The following FILIP1 variants were observed in gnomAD, a reference collection of about 807,000 sequenced individuals.
FILIP1 encodes filamin A interacting protein 1.
A neutral mutation model predicts 102.1 loss-of-function variants in FILIP1; 61 were observed. That is an observed-to-expected ratio of 0.60 (90% CI 0.49 to 0.74). FILIP1 has a LOEUF of 0.74. Ranked by LOEUF, FILIP1 falls within the 30% of genes least tolerant of loss-of-function variation. The probability of loss-of-function intolerance (pLI) is 0.00; values close to 1 mark genes in which losing one functional copy is unlikely to be tolerated. For synonymous variants in FILIP1, 491 were observed against 526.9 expected (o/e 0.93, Z 0.93); for missense variants, 1,314 against 1,441.2 (o/e 0.91, Z 1.43).
At chr6:75,326,625 C>T (rs910822053) in intron 4 of FILIP1, among the ~76,000 whole-genome samples, 1 of 152,134 alleles carries the variant, frequency 6.6e-6, no homozygotes, top group Non-Finnish European at 1.5e-5. Flanking sequence ...TTTATTATTT[C>T]ATTTAATTTT....
chr6:75,462,723 G>T (rs1779060793), intron 1 of FILIP1, among the ~76,000 whole-genome samples: 1 of 152,006 alleles, frequency 6.6e-6, no homozygotes. Context: ...CTCAAGCCAA[G>T]CCCACTGCCC....
rs189054219 is a variant in FILIP1 at position 75,329,157 on chromosome 6, T to C, written c.630-13955A>G. ...GAATTTTTTTAAAGCTTATCCTAAT[T>C]ATCCATTCTTGTGATAACCACCATC... On this transcript the variant is annotated intron_variant, in intron 4 of 5. Coordinates refer to ENST00000237172, the MANE Select transcript of FILIP1 (RefSeq NM_015687.5). 1.8e-3 allele frequency among the ~76,000 whole-genome samples: 276 copies of C among 152,312 alleles called. 2 individuals carry two copies. Among genetic ancestry groups the C allele is most frequent in the African/African-American group, 5.9e-3 (247 of 41,568 alleles).
chr6:75,388,254 A>C (rs908745708), intron 2 of FILIP1, among the ~76,000 whole-genome samples: 1 of 152,176 alleles, frequency 6.6e-6, no homozygotes, highest in African/African-American at 2.4e-5. Context: ...CTTTTTTGGT[A>C]CCAGTACCAT....
At chr6:75,396,509 G>A (rs532152391) in intron 2 of FILIP1, among the ~76,000 whole-genome samples, 6 of 152,170 alleles carry the variant, frequency 3.9e-5, no homozygotes, top group South Asian at 2.1e-4. Flanking sequence ...CTGGCATTCC[G>A]TAATTGCCTG....
chr6:75,465,311 T>C (rs781402107), intron 1 of FILIP1: 5 of 354,824 alleles, frequency 1.4e-5, no homozygotes, highest in Non-Finnish European at 2.6e-5. Context: ...TTATGAAAAC[T>C]GAATATACAG....
At chr6:75,399,598 C>A (rs1776586780) in intron 2 of FILIP1, among the ~76,000 whole-genome samples, 1 of 152,106 alleles carries the variant, frequency 6.6e-6, no homozygotes, top group South Asian at 2.1e-4. Flanking sequence ...CATGCTGAAA[C>A]AAAAGGTCAC....
At chr6:75,442,646 C>G (rs922846821) in intron 1 of FILIP1, among the ~76,000 whole-genome samples, 47 of 148,062 alleles carry the variant, frequency 3.2e-4, no homozygotes, top group South Asian at 6.4e-4. Context: ...CGCAGGCACT[C>G]GGCAGGCTGA....
chr6:75,333,563 T>A (rs1774146885), intron 4 of FILIP1, among the ~76,000 whole-genome samples: 1 of 152,152 alleles, frequency 6.6e-6, no homozygotes, highest in Non-Finnish European at 1.5e-5. Context: ...AAGATATTCA[T>A]CACTTTAAAC....
chr6:75,446,200 G>A (rs187099051), intron 1 of FILIP1, among the ~76,000 whole-genome samples: 1 of 152,124 alleles, frequency 6.6e-6, no homozygotes, highest in East Asian at 1.9e-4. Flanking sequence ...AAATCCTCTA[G>A]TTGTTCCATT....
At chr6:75,486,024 A>G (rs1779779707) in intron 1 of FILIP1, among the ~76,000 whole-genome samples, 1 of 148,332 alleles carries the variant, frequency 6.7e-6, no homozygotes, top group South Asian at 2.1e-4. Flanking sequence ...CACACACTCC[A>G]CCAAAGGTTT....
intron 2 of FILIP1, chr6:75,399,172 C>T (rs1424033476): frequency 1.3e-5 from 2 of 152,192 alleles, no homozygotes. Flanking sequence ...GGTTGTTAAA[C>T]TCCCACTAAG....
intron 3 of FILIP1, among the ~76,000 whole-genome samples, chr6:75,354,397 C>G (rs570629589): frequency 9.9e-5 from 15 of 152,068 alleles, no homozygotes; most frequent in Non-Finnish European, 1.9e-4. Context: ...ATGGTGAAAA[C>G]CTGTCTCTAC....
chr6:75,355,969 C>A (rs763641019), intron 3 of FILIP1, among the ~76,000 whole-genome samples: 2 of 152,148 alleles, frequency 1.3e-5, no homozygotes, highest in Non-Finnish European at 2.9e-5. Flanking sequence ...TTAGCAGCAT[C>A]CCTGGCCTCT....
intron 1 of FILIP1, among the ~76,000 whole-genome samples, chr6:75,490,162 A>T (rs1426718968): frequency 6.6e-6 from 1 of 152,144 alleles, no homozygotes; most frequent in African/African-American, 2.4e-5. Flanking sequence ...AATAAGTAAA[A>T]ATTATAACCA....
chr6:75,446,658 T>C (rs780622886), intron 1 of FILIP1, among the ~76,000 whole-genome samples: 12 of 152,148 alleles, frequency 7.9e-5, no homozygotes, highest in Non-Finnish European at 1.3e-4. Context: ...AACTTTTGCA[T>C]AGTTTCTAGC....
intron 2 of FILIP1, among the ~76,000 whole-genome samples, chr6:75,398,283 G>A (rs903365550): frequency 2.0e-5 from 3 of 152,174 alleles, no homozygotes; most frequent in African/African-American, 4.8e-5. Context: ...TGATTGTTTT[G>A]AAGCTGGTCT....
At chr6:75,328,223 T>A (rs1773940000) in intron 4 of FILIP1, among the ~76,000 whole-genome samples, 1 of 152,216 alleles carries the variant, frequency 6.6e-6, no homozygotes, top group South Asian at 2.1e-4. Flanking sequence ...TGAGAAATAA[T>A]TATTAAGTTT....
At chr6:75,302,748 T>C (rs979893409) in intron 6 of FILIP1, among the ~76,000 whole-genome samples, 1 of 152,042 alleles carries the variant, frequency 6.6e-6, no homozygotes, top group Non-Finnish European at 1.5e-5. Flanking sequence ...CTCAAGTACA[T>C]AGCATTGTGT....
chr6:75,370,854 G>T (rs933764509), intron 2 of FILIP1, among the ~76,000 whole-genome samples: 3 of 152,008 alleles, frequency 2.0e-5, no homozygotes, highest in Non-Finnish European at 2.9e-5. Context: ...TGGGATTACA[G>T]GCATGAGCTA....
Sources: gnomAD v4.1 joint callset for allele counts (sites outside exome capture counted in the v4.1 genomes callset) on GRCh38, gnomAD v4.1.1 for gene constraint, MANE v1.5 for transcripts, NCBI Gene and HGNC (gene_info 2026-07-23, HGNC 2026-07-21) for gene names.